HDAC9: variants seen among roughly 807,000 people sequenced by gnomAD.
HDAC9 encodes histone deacetylase 9, also known as MEF-2 interacting transcription repressor (MITR) protein.
HDAC9 carries 41 observed loss-of-function variants against 139.4 expected under a neutral mutation model. The observed-to-expected ratio is 0.29, with a 90% CI of 0.23 to 0.38. The LOEUF is 0.38. Ranked by LOEUF, HDAC9 falls within the 10% of genes least tolerant of loss-of-function variation. The pLI is 1.00. For synonymous variants in HDAC9, 517 were observed against 476.2 expected, an observed-to-expected ratio of 1.09 and a Z score of -1.12; for missense variants, 1,147 against 1,297.0, an observed-to-expected ratio of 0.88 and a Z score of 1.78.
intron 1 of HDAC9, among the ~76,000 whole-genome samples, chr7:18,334,773 G>A (rs904116339): frequency 1.3e-5 from 2 of 151,522 alleles, no homozygotes; most frequent in Non-Finnish European, 1.5e-5. Flanking sequence ...GCACCACAGA[G>A]GAAGTTCAGG....
At chr7:18,339,339 G>A (rs556066211) in intron 1 of HDAC9, among the ~76,000 whole-genome samples, 20 of 150,920 alleles carry the variant, frequency 1.3e-4, no homozygotes, top group Admixed American at 4.6e-4. Context: ...TTCTAGTTTC[G>A]TAAAGTGGAA....
At chr7:18,850,295 T>G (rs1797194701) in intron 21 of HDAC9, among the ~76,000 whole-genome samples, 1 of 152,116 alleles carries the variant, frequency 6.6e-6, no homozygotes, top group Non-Finnish European at 1.5e-5. Context: ...GATCTGAATG[T>G]GGAGTGTGCT....
At chr7:18,976,045 T>C in intron 25 of HDAC9, 92 bp downstream of exon 25, 9 of 1,325,502 alleles carry the variant, frequency 6.8e-6, no homozygotes, top group Non-Finnish European at 9.4e-6. Context: ...TTCCTTCACC[T>C]GTCTCCTCCA....
At chr7:18,184,018 A>G (rs766704865) in intron 2 of HDAC9, among the ~76,000 whole-genome samples, 3 of 152,186 alleles carry the variant, frequency 2.0e-5, no homozygotes, top group Non-Finnish European at 4.4e-5. Context: ...CTGTTATTGC[A>G]TGTTGAGTAT....
In HDAC9 at chr7:18,727,776, T is replaced by A; in HGVS notation, c.1909+19T>A. ...GCAACTGGTAGGAATCCCTAAAGAC[T>A]CTCTCTAATAGGCAGGCTAAATGCC... is the stretch of plus-strand genomic sequence containing the variant. On this transcript the variant is annotated intron_variant, in intron 13 of 25. Transcript: ENST00000686413. 1 of 1,484,298 alleles carries A rather than the reference T, an allele frequency of 6.7e-7. No homozygotes were observed. The highest frequency in any genetic ancestry group is 2.6e-5 in the Admixed American group (1 of 38,486). The allele number at this position is 1,484,298 out of a possible 1,614,324, so 91.9% of individuals were successfully genotyped here.
chr7:18,925,600 A>G (rs1418158756), intron 22 of HDAC9, among the ~76,000 whole-genome samples: 1 of 152,084 alleles, frequency 6.6e-6, no homozygotes, highest in Non-Finnish European at 1.5e-5. Flanking sequence ...GTAAAACTAA[A>G]TCAATGAAAT....
chr7:18,111,021 A>G (rs1433459906), intron 1 of HDAC9, among the ~76,000 whole-genome samples: 2 of 152,272 alleles, frequency 1.3e-5, no homozygotes, highest in African/African-American at 2.4e-5. Context: ...TGAAGTGCTT[A>G]TGGGTTATTC....
chr7:18,714,842 C>T (rs1784588120), intron 12 of HDAC9, among the ~76,000 whole-genome samples: 1 of 152,138 alleles, frequency 6.6e-6, no homozygotes, highest in Non-Finnish European at 1.5e-5. Context: ...CTGTTGAGTC[C>T]ACCATTGTAT....
chr7:18,798,218 T>G (rs967876017), intron 17 of HDAC9, among the ~76,000 whole-genome samples: 1 of 152,120 alleles, frequency 6.6e-6, no homozygotes, highest in Non-Finnish European at 1.5e-5. Context: ...CAAGTGGAAT[T>G]CCAAAGTCAT....
intron 23 of HDAC9, among the ~76,000 whole-genome samples, chr7:18,938,391 C>G (rs1299785484): frequency 2.0e-5 from 3 of 151,976 alleles, no homozygotes; most frequent in Non-Finnish European, 4.4e-5. Context: ...GTCATGAGAT[C>G]AAGACCATCC....
intron 16 of HDAC9, among the ~76,000 whole-genome samples, chr7:18,790,537 T>C (rs1792211772): frequency 6.6e-6 from 1 of 152,178 alleles, no homozygotes; most frequent in Non-Finnish European, 1.5e-5. Context: ...ATTTCTTTTG[T>C]TTAAGCTACC....
chr7:18,613,031 T>C (rs1837587003), intron 6 of HDAC9, among the ~76,000 whole-genome samples: 1 of 149,366 alleles, frequency 6.7e-6, no homozygotes, highest in Non-Finnish European at 1.5e-5. Flanking sequence ...TATAATTAGA[T>C]ATATTTATAT....
chr7:18,373,465 G>A (rs1353341074), intron 1 of HDAC9, among the ~76,000 whole-genome samples: 1 of 152,146 alleles, frequency 6.6e-6, no homozygotes, highest in Non-Finnish European at 1.5e-5. Context: ...ACAAAAAGAT[G>A]TATATTTGGA....
At chr7:18,714,624 ATTC>A (rs201400558) in intron 12 of HDAC9, among the ~76,000 whole-genome samples, 37 of 152,218 alleles carry the variant, frequency 2.4e-4, no homozygotes, top group Admixed American at 4.6e-4. Context: ...TACATGGAAC[ATTC>A]TTCTTTCTTT....
intron 1 of HDAC9, among the ~76,000 whole-genome samples, chr7:18,294,592 G>A (rs924792249): frequency 1.3e-5 from 2 of 152,092 alleles, no homozygotes; most frequent in Non-Finnish European, 2.9e-5. Flanking sequence ...TGTAAAAAGT[G>A]GGGAAGTTGC....
chr7:18,404,659 G>A (rs959885903), intron 1 of HDAC9, among the ~76,000 whole-genome samples: 11 of 152,060 alleles, frequency 7.2e-5, no homozygotes, highest in African/African-American at 2.7e-4. Context: ...GATAGGTCTT[G>A]GAAACTGCAA....
At position 18,479,780 on chromosome 7, in the gene HDAC9, C is replaced by A. The variant is rs111486200; in HGVS notation, c.-41-16482C>A. Among the ~76,000 whole-genome samples the A allele has an allele frequency of 5.0e-3, 760 of 151,956 alleles. 14 individuals are homozygous for A. Among genetic ancestry groups the A allele is most frequent in the African/African-American group, 0.016 (678 of 41,490 alleles). ...ATTCAGGACACTTTACTTAGTTTAA[C>A]TATCGCTCAAGACTATTTTATTAAC... On this transcript the variant is annotated intron_variant, in intron 1 of 3. Coordinates refer to the HDAC9 transcript ENST00000413509.
chr7:18,915,527 G>T (rs2129291964), intron 22 of HDAC9, among the ~76,000 whole-genome samples: 1 of 151,840 alleles, frequency 6.6e-6, no homozygotes, highest in South Asian at 2.1e-4. Context: ...GTGCCACAAT[G>T]AAGCTTTGAA....
chr7:18,108,480 A>T (rs1783378210), intron 1 of HDAC9, among the ~76,000 whole-genome samples: 1 of 152,184 alleles, frequency 6.6e-6, no homozygotes, highest in Non-Finnish European at 1.5e-5. Context: ...TTGTAGAGGC[A>T]ATTAGCTGTT....
Sources: gnomAD v4.1 joint callset for allele counts (sites outside exome capture counted in the v4.1 genomes callset) on GRCh38, gnomAD v4.1.1 for gene constraint, MANE v1.5 for transcripts, NCBI Gene and HGNC (gene_info 2026-07-23, HGNC 2026-07-21) for gene names.